The following DPYD variants were observed in gnomAD, a reference collection of about 807,000 sequenced individuals.
DPYD encodes the protein dihydropyrimidine dehydrogenase, also known as dihydropyrimidine dehydrogenase [NADP(+)].
Under a neutral mutation model 116.2 loss-of-function variants are expected in DPYD, and 109 were observed. The ratio of observed to expected loss-of-function variants is 0.94; its 90% CI spans 0.80 to 1.10. DPYD has a LOEUF of 1.10. Ranked by LOEUF, DPYD falls within the 50% of genes least tolerant of loss-of-function variation. The pLI is 0.00. For missense variants in DPYD, 1,302 were observed against 1,254.5 expected (o/e 1.04, Z -0.57); for synonymous variants, 440 against 432.0 (o/e 1.02, Z -0.23).
intron 1 of DPYD, among the ~76,000 whole-genome samples, chr1:97,895,928 T>C (rs1673040584): frequency 6.6e-6 from 1 of 151,760 alleles, no homozygotes; most frequent in East Asian, 1.9e-4. Context: ...AACCTAGGAA[T>C]TCCAATTTAA....
At chr1:97,527,663 G>A (rs951886585) in intron 12 of DPYD, among the ~76,000 whole-genome samples, 1 of 151,486 alleles carries the variant, frequency 6.6e-6, no homozygotes, top group Admixed American at 6.6e-5. Flanking sequence ...GTTATACCTC[G>A]TGGGGTCATG....
rs758927521 is a variant in DPYD, at chr1:97,699,440, A to G, written c.591T>C (p.Pro197=). The change falls in exon 6 of 23, where the codon CCT becomes CCC. Residue 197 remains proline, a synonymous_variant. Coordinates refer to ENST00000370192, the MANE Select transcript of DPYD (RefSeq NM_000110.4). ...AAAAGGAAGCACAACTTATACTTGC[A>G]GGCCCAGCACCAAAAAGAGCAATCT... ...SAKIALFGAG[P]ASISCASFLA... is the part of the protein sequence containing the mutation. 3.7e-6 allele frequency: 6 copies of G among 1,613,770 alleles called. No homozygotes were observed. Among genetic ancestry groups the G allele is most frequent in the Non-Finnish European group, 5.1e-6 (6 of 1,179,738 alleles).
chr1:97,269,387 T>C (rs1664432899), intron 18 of DPYD, among the ~76,000 whole-genome samples: 1 of 152,184 alleles, frequency 6.6e-6, no homozygotes, highest in Admixed American at 6.5e-5. Context: ...AGGCTTTTTC[T>C]AGCCTTCTCC....
chr1:97,864,690 C>T (rs978787268), intron 2 of DPYD, among the ~76,000 whole-genome samples: 14 of 151,728 alleles, frequency 9.2e-5, no homozygotes, highest in South Asian at 2.1e-4. Flanking sequence ...AAAAATACTT[C>T]GAGAAGGAAG....
intron 2 of DPYD, among the ~76,000 whole-genome samples, chr1:97,865,042 T>C (rs1183690275): frequency 6.6e-6 from 1 of 151,868 alleles, no homozygotes; most frequent in Non-Finnish European, 1.5e-5. Flanking sequence ...GGAGGAAATA[T>C]TGCTGCAGAA....
intron 1 of DPYD, among the ~76,000 whole-genome samples, chr1:97,894,674 A>G (rs747890383): frequency 1.4e-4 from 21 of 151,756 alleles, no homozygotes; most frequent in Non-Finnish European, 2.8e-4. Flanking sequence ...AAACATTAAT[A>G]ACATATATAC....
Position 97,149,928 on chromosome 1 carries a change from CT to C in DPYD, c.2622+43140del, listed in dbSNP as rs1269404254. 2.0e-5 allele frequency among the ~76,000 whole-genome samples: 3 copies of C among 152,292 alleles called. No individual in the cohort carries two copies. In the East Asian group the frequency reaches 5.8e-4, roughly 29 times the overall value. ...TGTGTAAAACCATTTGGCAGTTTCC[CT>C]TTGCACATTTAATAAAATCCAAATT... On this transcript the variant is annotated intron_variant, in intron 20 of 22. Transcript: ENST00000370192.
chr1:97,293,471 G>A (rs1310804388), intron 18 of DPYD, among the ~76,000 whole-genome samples: 1 of 152,136 alleles, frequency 6.6e-6, no homozygotes, highest in African/African-American at 2.4e-5. Context: ...CAAAAAAGCA[G>A]GCCCCTAATT....
intron 5 of DPYD, 62 bp downstream of exon 5, chr1:97,721,448 A>G: frequency 6.3e-7 from 1 of 1,595,698 alleles, no homozygotes; most frequent in Non-Finnish European, 8.6e-7. Flanking sequence ...GATTAAAGTT[A>G]TTTTAAGATA....
At chr1:97,108,184 A>G (rs1033686502) in intron 20 of DPYD, among the ~76,000 whole-genome samples, 2 of 152,076 alleles carry the variant, frequency 1.3e-5, no homozygotes, top group African/African-American at 4.8e-5. Flanking sequence ...TGGGGGAGGT[A>G]ATGTGGCATA....
chr1:97,346,100 T>TA (rs1322788779), intron 16 of DPYD, among the ~76,000 whole-genome samples: 1 of 151,902 alleles, frequency 6.6e-6, no homozygotes, highest in Non-Finnish European at 1.5e-5. Flanking sequence ...TAAATGTTTT[T>TA]ATCTTCCATA....
chr1:97,467,861 A>G (rs188388440), intron 13 of DPYD, among the ~76,000 whole-genome samples: 4 of 152,290 alleles, frequency 2.6e-5, no homozygotes, highest in African/African-American at 9.6e-5. Flanking sequence ...TGAACCCACA[A>G]TGGGCACTGA....
chr1:97,404,161 T>C (rs1479938718), intron 14 of DPYD, among the ~76,000 whole-genome samples: 2 of 152,046 alleles, frequency 1.3e-5, no homozygotes, highest in Admixed American at 6.6e-5. Context: ...TCAGAGACTT[T>C]ATGATTTCTG....
chr1:97,900,206 A>T (rs79652469), intron 1 of DPYD, among the ~76,000 whole-genome samples: 1,552 of 151,992 alleles, frequency 0.01, 21 homozygotes, highest in African/African-American at 0.034. Context: ...GAACTTGAGG[A>T]TATCAGAATG....
chr1:97,463,230 A>G (rs556383919), intron 13 of DPYD, among the ~76,000 whole-genome samples: 1 of 152,320 alleles, frequency 6.6e-6, no homozygotes, highest in South Asian at 2.1e-4. Context: ...TAACAGAATC[A>G]TGGGGCAAGT....
At chr1:97,788,150 G>T (rs1348838365) in intron 3 of DPYD, among the ~76,000 whole-genome samples, 6 of 152,146 alleles carry the variant, frequency 3.9e-5, no homozygotes, top group Admixed American at 3.9e-4. Flanking sequence ...CTTTGGGGAA[G>T]AAACAAAGCT....
intron 16 of DPYD, among the ~76,000 whole-genome samples, chr1:97,340,510 AAAAGTAAGAAT>A (rs1669538392): frequency 6.6e-6 from 1 of 152,006 alleles, no homozygotes; most frequent in Non-Finnish European, 1.5e-5. Context: ...TCTCCACAAA[AAAAGTAAGAAT>A]AAATTAGCTA....
At chr1:97,559,757 T>C (rs1652006817) in intron 11 of DPYD, among the ~76,000 whole-genome samples, 1 of 152,164 alleles carries the variant, frequency 6.6e-6, no homozygotes, top group Non-Finnish European at 1.5e-5. Flanking sequence ...TTCAAAAGTA[T>C]AGTTTCTTTA....
At chr1:97,914,307 A>T (rs188584704) in intron 1 of DPYD, among the ~76,000 whole-genome samples, 1 of 152,268 alleles carries the variant, frequency 6.6e-6, no homozygotes, top group East Asian at 1.9e-4. Context: ...CAGTGTGTTT[A>T]GGGATGCTTA....
Sources: gnomAD v4.1 joint callset for allele counts (sites outside exome capture counted in the v4.1 genomes callset) on GRCh38, gnomAD v4.1.1 for gene constraint, MANE v1.5 for transcripts, NCBI Gene and HGNC (gene_info 2026-07-23, HGNC 2026-07-21) for gene names.